The following SPMIP8 variants were observed in gnomAD, a reference collection of about 807,000 sequenced individuals.
The protein encoded by SPMIP8 is sperm microtubule inner protein 8.
At chr16:57,987,644 C>T in the SPMIP8 span, 1 of 466,766 alleles carries the variant, frequency 2.1e-6, no homozygotes, top group East Asian at 3.5e-5. Context: ...AGTATCTTAC[C>T]CTTGCCCGTC....
At chr16:57,981,935 G>A in the SPMIP8 span, among the ~76,000 whole-genome samples, 1 of 152,132 alleles carries the variant, frequency 6.6e-6, no homozygotes, top group African/African-American at 2.4e-5. Flanking sequence ...AAGGTTTTGG[G>A]GGATCCCCTT....
chr16:57,981,213 T>C, the SPMIP8 span, among the ~76,000 whole-genome samples: 6 of 151,590 alleles, frequency 4.0e-5, no homozygotes, highest in Admixed American at 3.9e-4. Flanking sequence ...AAACCCTGTC[T>C]CTACTAAAAA....
the SPMIP8 span, among the ~76,000 whole-genome samples, chr16:57,978,527 T>C: frequency 6.6e-6 from 1 of 150,858 alleles, no homozygotes; most frequent in Non-Finnish European, 1.5e-5. Context: ...GCAACAAGAG[T>C]GAGTCTCCGT....
the SPMIP8 span, chr16:57,984,777 G>A: frequency 8.7e-6 from 14 of 1,608,620 alleles, no homozygotes; most frequent in Middle Eastern, 1.6e-4. Flanking sequence ...GTCCTCGGCC[G>A]GGGAGTTCAA....
chr16:57,985,353 A>T, the SPMIP8 span: 22 of 1,571,556 alleles, frequency 1.4e-5, no homozygotes, highest in Middle Eastern at 3.5e-4. Flanking sequence ...TTGAGGGGGG[A>T]GGAGACCCAG....
the SPMIP8 span, chr16:57,977,963 G>A: frequency 6.2e-7 from 1 of 1,614,138 alleles, no homozygotes; most frequent in East Asian, 2.2e-5. Flanking sequence ...TGCCCACCCT[G>A]CGCCACATGG....
At chr16:57,980,450 C>T in the SPMIP8 span, among the ~76,000 whole-genome samples, 1 of 152,196 alleles carries the variant, frequency 6.6e-6, no homozygotes, top group South Asian at 2.1e-4. Flanking sequence ...CCTCTGTATG[C>T]TGGGCAGGAC....
chr16:57,983,575 T>A, the SPMIP8 span, among the ~76,000 whole-genome samples: 3 of 152,114 alleles, frequency 2.0e-5, no homozygotes, highest in Non-Finnish European at 4.4e-5. Context: ...AGGTAAGATG[T>A]GAATACTATT....
chr16:57,987,378 C>G, the SPMIP8 span: 2 of 1,583,482 alleles, frequency 1.3e-6, no homozygotes, highest in Non-Finnish European at 1.7e-6. Flanking sequence ...CCCACCTCAC[C>G]CCTACTTCTC....
chr16:57,979,822 C>G, the SPMIP8 span, among the ~76,000 whole-genome samples: 1 of 152,320 alleles, frequency 6.6e-6, no homozygotes, highest in Non-Finnish European at 1.5e-5. Flanking sequence ...AATCTCAGCA[C>G]TTTGGGAGGC....
At chr16:57,976,552 C>A in the SPMIP8 span, 1 of 1,614,198 alleles carries the variant, frequency 6.2e-7, no homozygotes, top group Non-Finnish European at 8.5e-7. Context: ...TCCTCTTCTG[C>A]CCATTGAGCA....
the SPMIP8 span, chr16:57,984,743 C>A: frequency 6.2e-7 from 1 of 1,606,570 alleles, no homozygotes; most frequent in Non-Finnish European, 8.5e-7. Flanking sequence ...TCACGCGCGC[C>A]ATCGAGGACT....
the SPMIP8 span, chr16:57,986,501 AC>A: frequency 6.6e-6 from 1 of 152,112 alleles, no homozygotes; most frequent in African/African-American, 2.4e-5. Context: ...AACCCAGCAG[AC>A]CAAGCACTCT....
chr16:57,980,446 TATG>T, the SPMIP8 span, among the ~76,000 whole-genome samples: 2 of 152,208 alleles, frequency 1.3e-5, no homozygotes, highest in South Asian at 4.1e-4. Context: ...GCAGCCTCTG[TATG>T]CTGGGCAGGA....
chr16:57,981,392 A>ATTATTATTATTATTATTATAATT, the SPMIP8 span, among the ~76,000 whole-genome samples: 30 of 83,584 alleles, frequency 3.6e-4, no homozygotes, highest in East Asian at 9.3e-3. Flanking sequence ...TAATAATAAT[A>ATTATTATTATTATTATTATAATT]ATTATTATTA....
chr16:57,986,082 C>A, the SPMIP8 span: 1 of 1,051,078 alleles, frequency 9.5e-7, no homozygotes, highest in Non-Finnish European at 1.3e-6. Flanking sequence ...TGGGAGGGCG[C>A]GAGCTGCTTC....
the SPMIP8 span, chr16:57,987,331 A>G: frequency 1.4e-6 from 2 of 1,424,986 alleles, no homozygotes; most frequent in South Asian, 3.1e-5. Context: ...CCTAGAGGGG[A>G]AAAGCCTGAT....
At chr16:57,981,389 A>AATAATCATTATTATTATTATT in the SPMIP8 span, among the ~76,000 whole-genome samples, 1 of 132,912 alleles carries the variant, frequency 7.5e-6, no homozygotes, top group Non-Finnish European at 1.6e-5. Context: ...CAATAATAAT[A>AATAATCATTATTATTATTATT]ATAATTATTA....
chr16:57,985,082 C>A, the SPMIP8 span: 5 of 1,166,006 alleles, frequency 4.3e-6, no homozygotes, highest in East Asian at 5.5e-5. Flanking sequence ...ACCTGTTCTC[C>A]GTACACGTGT....
Sources: gnomAD v4.1 joint callset for allele counts (sites outside exome capture counted in the v4.1 genomes callset) on GRCh38, gnomAD v4.1.1 for gene constraint, MANE v1.5 for transcripts, NCBI Gene and HGNC (gene_info 2026-07-23, HGNC 2026-07-21) for gene names.